Variants in PSME4 observed in about 807,000 individuals in gnomAD.
The protein encoded by PSME4 is proteasome activator subunit 4.
PSME4 carries 89 observed loss-of-function variants against 253.9 expected under a neutral mutation model. The observed-to-expected ratio is 0.35, with a 90% CI of 0.30 to 0.42. PSME4 has a LOEUF of 0.42. Among genes scored for constraint, PSME4 ranks in the 10% least tolerant of loss-of-function variants. The pLI is 1.00. For missense variants in PSME4, 2,014 were observed against 2,195.2 expected (o/e 0.92, Z 1.65); for synonymous variants, 851 against 759.2 (o/e 1.12, Z -1.99).
At chr2:53,963,932 G>C (rs1455498171) in intron 1 of PSME4, among the ~76,000 whole-genome samples, 1 of 152,096 alleles carries the variant, frequency 6.6e-6, no homozygotes, top group African/African-American at 2.4e-5. Context: ...ATGATGAAAA[G>C]AACATAACTG....
intron 43 of PSME4, among the ~76,000 whole-genome samples, chr2:53,872,634 C>G (rs1453775799): frequency 6.7e-6 from 1 of 148,238 alleles, no homozygotes; most frequent in African/African-American, 2.5e-5. Context: ...CCCAGCTACT[C>G]AGGAGGCTGA....
chr2:53,912,498 C>T (rs1399739849), intron 20 of PSME4, among the ~76,000 whole-genome samples: 1 of 152,190 alleles, frequency 6.6e-6, no homozygotes, highest in Non-Finnish European at 1.5e-5. Context: ...CCCTCTGCCA[C>T]CCAGGCTGCA....
At chr2:53,952,888 G>A (rs1176021154) in intron 1 of PSME4, among the ~76,000 whole-genome samples, 1 of 152,216 alleles carries the variant, frequency 6.6e-6, no homozygotes, top group African/African-American at 2.4e-5. Flanking sequence ...TGAGCTGGGG[G>A]TTGGGGGACC....
chr2:53,895,192 A>T (rs1680087021), intron 33 of PSME4, 116 bp from the exon 34 acceptor site: 1 of 809,984 alleles, frequency 1.2e-6, no homozygotes, highest in African/African-American at 1.7e-5. Context: ...AAGTTTGGGG[A>T]GATGAGTACA....
intron 26 of PSME4, among the ~76,000 whole-genome samples, chr2:53,905,221 G>A (rs1680600806): frequency 6.6e-6 from 1 of 151,596 alleles, no homozygotes; most frequent in Admixed American, 6.6e-5. Flanking sequence ...GTAGGGAGGG[G>A]GTTTCACCAT....
In PSME4 at chr2:53,925,743, T is replaced by G. The variant is rs965192523; in HGVS notation, c.1659-54A>C. 3 of 1,540,080 alleles carry G rather than the reference T, an allele frequency of 1.9e-6. No homozygotes were observed. The African/African-American group carries it at 4.1e-5, about 21-fold the overall frequency. ...AGCAACTAAAATCTGGTTTGACATT[T>G]TTGGTGGTCATCAGGTAACTCTCTA... On this transcript the variant is annotated intron_variant, in intron 13 of 46. Coordinates refer to ENST00000404125, the MANE Select transcript of PSME4 (RefSeq NM_014614.3).
intron 1 of PSME4, among the ~76,000 whole-genome samples, chr2:53,950,868 A>T (rs1669951713): frequency 6.6e-6 from 1 of 151,806 alleles, no homozygotes; most frequent in Non-Finnish European, 1.5e-5. Context: ...GAAAAGAAAA[A>T]GGTGTCCCAA....
intron 45 of PSME4, 44 bp downstream of exon 45, chr2:53,866,703 C>A: frequency 6.4e-7 from 1 of 1,567,130 alleles, no homozygotes; most frequent in African/African-American, 1.4e-5. Flanking sequence ...TCTTAGAAAA[C>A]ATCACTGATA....
intron 17 of PSME4, among the ~76,000 whole-genome samples, chr2:53,921,404 G>A (rs1446942763): frequency 6.6e-6 from 1 of 151,466 alleles, no homozygotes; most frequent in Non-Finnish European, 1.5e-5. Context: ...ACGCCACCAT[G>A]CCCAGATAAT....
chr2:53,939,846 C>CAGGA, intron 4 of PSME4, 110 bp downstream of exon 4: 1 of 896,734 alleles, frequency 1.1e-6, no homozygotes, highest in Non-Finnish European at 1.7e-6. Flanking sequence ...TGACTAACAT[C>CAGGA]ACAATGTCAG....
At position 53,890,115 on chromosome 2, in the gene PSME4, C is replaced by T. The variant is rs747023262; in HGVS notation, c.4285G>A (p.Ala1429Thr). The T allele has an allele frequency of 6.8e-6, 11 of 1,612,056 alleles. No individual in the cohort carries two copies. The highest frequency in any genetic ancestry group is 5.5e-5 in the South Asian group (5 of 91,000). The change falls in exon 37 of 47, where the codon GCA becomes ACA. Residue 1429 changes from alanine to threonine, a missense_variant. Physicochemically the swap from Ala to Thr is moderately conservative, Grantham distance 58. This residue lies in a region of PSME4 where 403 missense variants were observed against 556.1 expected (regional missense o/e 0.72). Coordinates refer to ENST00000404125, the MANE Select transcript of PSME4 (RefSeq NM_014614.3). ...GTAGGGTAACTTACACAGGATGTTG[C>T]TATACAAGCTCCCCAGTCATTATAA... Reference protein sequence around the residue: ...ETYNDWGACIATSCESRDPRK... With the variant: ...ETYNDWGACITTSCESRDPRK...
chr2:53,906,525 T>G, intron 26 of PSME4, 73 bp downstream of exon 26: 2 of 1,420,576 alleles, frequency 1.4e-6, no homozygotes, highest in Non-Finnish European at 1.8e-6. Flanking sequence ...ACTCTCTTCT[T>G]AAAAGGGGGA....
At chr2:53,915,122 C>G (rs1393495937) in intron 20 of PSME4, among the ~76,000 whole-genome samples, 2 of 152,230 alleles carry the variant, frequency 1.3e-5, no homozygotes, top group Non-Finnish European at 2.9e-5. Flanking sequence ...GTTAGACATT[C>G]TCACAGGAAA....
chr2:53,932,261 C>G (rs952165457), intron 9 of PSME4, among the ~76,000 whole-genome samples, 161 bp from the exon 10 acceptor site: 4 of 151,946 alleles, frequency 2.6e-5, no homozygotes, highest in Non-Finnish European at 4.4e-5. Flanking sequence ...TAAAAGTTAC[C>G]AATTAATTAT....
chr2:53,898,559 A>G (rs1248761917), intron 29 of PSME4, among the ~76,000 whole-genome samples: 3 of 151,050 alleles, frequency 2.0e-5, no homozygotes, highest in Non-Finnish European at 4.4e-5. Context: ...AAAGGCTAGG[A>G]AGAGTGAACT....
Position 53,916,027 on chromosome 2 carries a change from A to G in PSME4, c.2516+3124T>C, listed in dbSNP as rs185181368. The stretch of plus-strand genomic sequence containing the variant: ...AAGGCAGAGGTTGCAGTGAGCCAAG[A>G]TAGTGCCATTGTACTCTAGCCTGGG... On this transcript the variant is annotated intron_variant, in intron 20 of 46. Transcript: ENST00000404125. 7.6e-4 allele frequency among the ~76,000 whole-genome samples: 116 copies of G among 152,254 alleles called. 1 individual carries two copies. The East Asian group carries it at 0.015, about 20-fold the overall frequency.
chr2:53,955,550 C>T (rs760615389), intron 1 of PSME4, among the ~76,000 whole-genome samples: 5 of 151,852 alleles, frequency 3.3e-5, no homozygotes, highest in African/African-American at 9.7e-5. Flanking sequence ...GAATATGGAA[C>T]GGAATATAAT....
intron 16 of PSME4, 135 bp downstream of exon 16, chr2:53,922,914 G>A (rs1668389977): frequency 1.6e-5 from 12 of 729,294 alleles, no homozygotes; most frequent in Non-Finnish European, 2.3e-5. Context: ...ATCTTTTTTG[G>A]AGACAAATTT....
At chr2:53,912,318 C>G (rs1667861477) in intron 20 of PSME4, among the ~76,000 whole-genome samples, 2 of 152,162 alleles carry the variant, frequency 1.3e-5, no homozygotes, top group African/African-American at 4.8e-5. Flanking sequence ...CAAGGGAAGA[C>G]TATATATAGG....
Sources: gnomAD v4.1 joint callset for allele counts (sites outside exome capture counted in the v4.1 genomes callset) on GRCh38, gnomAD v4.1.1 for gene constraint, gnomAD v4.1.1 regional missense constraint, MANE v1.5 for transcripts, NCBI Gene and HGNC (gene_info 2026-07-23, HGNC 2026-07-21) for gene names.